Variants in RASAL2 observed in about 807,000 individuals in gnomAD.
The protein encoded by RASAL2 is ras GTPase-activating protein nGAP.
In RASAL2, 58 loss-of-function variants were observed where a neutral mutation model predicts 128.9. That is an observed-to-expected ratio of 0.45 (90% CI 0.36 to 0.56). RASAL2 has a LOEUF of 0.56. Among genes scored for constraint, RASAL2 ranks in the 20% least tolerant of loss-of-function variants. RASAL2 has a pLI of 0.00. For missense variants in RASAL2, 1,360 were observed against 1,601.6 expected, an observed-to-expected ratio of 0.85 and a Z score of 2.57; for synonymous variants, 561 against 580.8, an observed-to-expected ratio of 0.97 and a Z score of 0.49.
At chr1:178,233,562 C>T (rs575470432) in intron 1 of RASAL2, among the ~76,000 whole-genome samples, 15 of 152,256 alleles carry the variant, frequency 9.9e-5, no homozygotes, top group African/African-American at 3.6e-4. Context: ...CCTGGTTGAA[C>T]GACAACAACA....
intron 1 of RASAL2, among the ~76,000 whole-genome samples, chr1:178,161,133 T>A (rs563598274): frequency 6.6e-6 from 1 of 152,310 alleles, no homozygotes; most frequent in Admixed American, 6.5e-5. Flanking sequence ...AGGATATAGT[T>A]AAATACAGTA....
At chr1:178,111,546 C>T (rs762477929) in intron 1 of RASAL2, among the ~76,000 whole-genome samples, 7 of 152,190 alleles carry the variant, frequency 4.6e-5, no homozygotes, top group Non-Finnish European at 7.3e-5. Flanking sequence ...TGTTTTCCTA[C>T]CAGCAGTGTA....
chr1:178,418,499 T>C (rs1674921373), intron 4 of RASAL2, among the ~76,000 whole-genome samples: 1 of 152,218 alleles, frequency 6.6e-6, no homozygotes, highest in Non-Finnish European at 1.5e-5. Context: ...ATTATGTCTA[T>C]GTGATATATA....
chr1:178,200,551 C>T lies in RASAL2; in HGVS notation c.203-83013C>T, dbSNP rs1030578008. On this transcript the variant is annotated intron_variant, in intron 1 of 17. Coordinates refer to ENST00000367649, the MANE Select transcript of RASAL2 (RefSeq NM_170692.4). ...CTGGCTTCAGAAGCAGATACTGAGC[C>T]TCAAATCTGTTAAGATTGCAGTGAT... Among the ~76,000 whole-genome samples, 3 of 152,132 alleles carry T rather than the reference C, an allele frequency of 2.0e-5. No homozygotes were observed. The East Asian group carries it at 5.8e-4, about 29-fold the overall frequency.
At chr1:178,238,606 A>G (rs1664361656) in intron 1 of RASAL2, among the ~76,000 whole-genome samples, 1 of 151,934 alleles carries the variant, frequency 6.6e-6, no homozygotes. Flanking sequence ...ATGTGTGTAT[A>G]TACACACACA....
At chr1:178,270,974 G>T (rs1162666115) in intron 1 of RASAL2, among the ~76,000 whole-genome samples, 1 of 152,184 alleles carries the variant, frequency 6.6e-6, no homozygotes, top group Non-Finnish European at 1.5e-5. Flanking sequence ...AACATGTTTA[G>T]AGTAGCCTTT....
chr1:178,222,064 C>T (rs779987270), intron 1 of RASAL2, among the ~76,000 whole-genome samples: 9 of 152,066 alleles, frequency 5.9e-5, no homozygotes, highest in Non-Finnish European at 7.4e-5. Flanking sequence ...ATAGTGATTC[C>T]AGCTTTTGAT....
Position 178,467,390 on chromosome 1 carries a change from T to C in RASAL2, c.3647T>C (p.Ile1216Thr). 4 of 1,614,168 alleles carry C rather than the reference T, an allele frequency of 2.5e-6. No homozygotes were observed. The highest frequency in any genetic ancestry group is 2.5e-6 in the Non-Finnish European group (3 of 1,180,000). Residue 1216 changes from isoleucine (I) to threonine (T), a missense_variant, in exon 17 of 18, where the codon ATT becomes ACT. Coordinates refer to ENST00000367649, the MANE Select transcript of RASAL2 (RefSeq NM_170692.4). Reference protein sequence around the residue: ...KKDHAEMQAVIDAKQKIIDAQ... With the variant: ...KKDHAEMQAVTDAKQKIIDAQ... The stretch of plus-strand genomic sequence containing the variant: ...GATCATGCTGAGATGCAAGCAGTTA[T>C]TGATGCAAAGCAGAAAATAATTGAT...
intron 3 of RASAL2, among the ~76,000 whole-genome samples, chr1:178,317,525 G>C (rs976580267): frequency 4.7e-5 from 7 of 150,354 alleles, no homozygotes; most frequent in East Asian, 1.9e-4. Context: ...TCTTGGGAGA[G>C]TGTATGTGTC....
At chr1:178,319,200 A>G (rs10913533) in intron 3 of RASAL2, among the ~76,000 whole-genome samples, 37,905 of 151,666 alleles carry the variant, frequency 0.25, 7,525 homozygotes, top group African/African-American at 0.55. Flanking sequence ...AGGGTAACCC[A>G]ACCTTTTTCT....
chr1:178,201,007 T>G (rs1004724765), intron 1 of RASAL2, among the ~76,000 whole-genome samples: 2 of 152,122 alleles, frequency 1.3e-5, no homozygotes, highest in Admixed American at 1.3e-4. Context: ...GACCTATAAT[T>G]AGACTAAAGT....
At chr1:178,217,378 A>G (rs966627824) in intron 1 of RASAL2, among the ~76,000 whole-genome samples, 12 of 152,298 alleles carry the variant, frequency 7.9e-5, no homozygotes, top group South Asian at 4.1e-4. Flanking sequence ...AAGCCCTCCT[A>G]CTAGAACTTC....
chr1:178,332,781 C>CT (rs1404752462), intron 3 of RASAL2, among the ~76,000 whole-genome samples: 1 of 149,742 alleles, frequency 6.7e-6, no homozygotes, highest in Non-Finnish European at 1.5e-5. Flanking sequence ...CCAGCTAATT[C>CT]TTTTTTGTAT....
chr1:178,432,742 G>A (rs574415682), intron 5 of RASAL2, among the ~76,000 whole-genome samples: 2 of 152,106 alleles, frequency 1.3e-5, no homozygotes, highest in East Asian at 3.9e-4. Flanking sequence ...AGTCATCAAA[G>A]CCTATTTACC....
At chr1:178,264,026 A>C (rs544971465) in intron 1 of RASAL2, among the ~76,000 whole-genome samples, 1 of 152,198 alleles carries the variant, frequency 6.6e-6, no homozygotes, top group East Asian at 1.9e-4. Context: ...GAGAAATAAA[A>C]ATTTTAGAGA....
intron 4 of RASAL2, 122 bp downstream of exon 4, chr1:178,390,328 G>C (rs879417219): frequency 1.0e-5 from 7 of 670,814 alleles, no homozygotes; most frequent in Non-Finnish European, 1.7e-5. Flanking sequence ...TTATAATTCT[G>C]TGATTAAAGG....
chr1:178,241,783 A>T (rs529071199), intron 1 of RASAL2, among the ~76,000 whole-genome samples: 1 of 152,232 alleles, frequency 6.6e-6, no homozygotes, highest in Non-Finnish European at 1.5e-5. Context: ...AGGAAATAAT[A>T]GTACAGATTA....
intron 1 of RASAL2, among the ~76,000 whole-genome samples, chr1:178,116,077 C>T (rs977850075): frequency 2.6e-5 from 4 of 152,050 alleles, no homozygotes; most frequent in Non-Finnish European, 5.9e-5. Context: ...CCTATTCATC[C>T]GTTAGTACCC....
rs558564126 is a variant in RASAL2 at position 178,457,073 on chromosome 1, G to A, written c.2390+174G>A. Among the ~76,000 whole-genome samples, 15 of 152,320 alleles carry A rather than the reference G, an allele frequency of 9.8e-5. No individual in the cohort carries two copies. The South Asian group carries it at 3.1e-3, about 32-fold the overall frequency. On this transcript the variant is annotated intron_variant, in intron 13 of 17. Transcript: ENST00000367649. ...CATAATAATGCACAAGATCTGGGAT[G>A]ACTTATTTTCTAGAATGGTAGTATA...
Sources: gnomAD v4.1 joint callset for allele counts (sites outside exome capture counted in the v4.1 genomes callset) on GRCh38, gnomAD v4.1.1 for gene constraint, MANE v1.5 for transcripts, NCBI Gene and HGNC (gene_info 2026-07-23, HGNC 2026-07-21) for gene names.